The following PCDHGA8 variants were observed in gnomAD, a reference collection of about 807,000 sequenced individuals.
PCDHGA8 encodes protocadherin gamma subfamily A, 8.
Under a neutral mutation model 59.2 loss-of-function variants are expected in PCDHGA8, and 45 were observed. The observed-to-expected ratio is 0.76, with a 90% CI of 0.60 to 0.98. The LOEUF is 0.98. Ranked by LOEUF, PCDHGA8 falls within the 50% of genes least tolerant of loss-of-function variation. The pLI is 0.00. For synonymous variants in PCDHGA8, 531 were observed against 519.0 expected, an observed-to-expected ratio of 1.02 and a Z score of -0.32; for missense variants, 1,257 against 1,196.2, an observed-to-expected ratio of 1.05 and a Z score of -0.75.
intron 1 of PCDHGA8, among the ~76,000 whole-genome samples, chr5:141,467,055 C>CTTT (rs1193465269): frequency 2.2e-5 from 3 of 134,494 alleles, no homozygotes; most frequent in Admixed American, 7.5e-5. Context: ...TCAATGTTTT[C>CTTT]TTTTTTTTTT....
chr5:141,403,353 A>T lies in PCDHGA8; in HGVS notation c.2424+8116A>T, dbSNP rs1335542003. The T allele has an allele frequency of 2.5e-6, 4 of 1,613,932 alleles. No individual in the cohort carries two copies. In the East Asian group the frequency reaches 6.7e-5, roughly 27 times the overall value. ...ATTAACGACAGCGCCCCAAAGTTCC[A>T]GGCCGAAAGTCTGGAAGTAAAAATT... On this transcript the variant is annotated intron_variant, in intron 1 of 3. Coordinates refer to ENST00000398604, the MANE Select transcript of PCDHGA8 (RefSeq NM_032088.2).
In PCDHGA8 at chr5:141,431,514, C is replaced by T. The variant is rs760416874; in HGVS notation, c.2424+36277C>T. ...CAGCCCGAGTACCGCGCGAGCGTTC[C>T]GGAGAATCTGGCCTTGGGCACGCAG... On this transcript the variant is annotated intron_variant, in intron 1 of 3. Transcript: ENST00000398604. This position sits in a 1 kb window ranked among gnomAD's most constrained non-coding sequence, Gnocchi z 4.8. 3.1e-6 allele frequency: 5 copies of T among 1,614,012 alleles called. No homozygotes were observed. The highest frequency in any genetic ancestry group is 1.1e-5 in the South Asian group (1 of 91,082).
intron 1 of PCDHGA8, chr5:141,418,768 T>C (rs1216316680): frequency 6.2e-7 from 1 of 1,613,712 alleles, no homozygotes; most frequent in Non-Finnish European, 8.5e-7. Context: ...ACATTCTAAC[T>C]CAGCAGCCTT....
intron 1 of PCDHGA8, chr5:141,405,106 C>G: frequency 6.2e-7 from 1 of 1,613,964 alleles, no homozygotes; most frequent in Non-Finnish European, 8.5e-7. Flanking sequence ...GGCTGAGGCA[C>G]TGGCACTCCT....
At chr5:141,407,559 G>A (rs1210777840) in intron 1 of PCDHGA8, among the ~76,000 whole-genome samples, 1 of 151,834 alleles carries the variant, frequency 6.6e-6, no homozygotes, top group African/African-American at 2.4e-5. Context: ...TAGAACATAA[G>A]CTGAAAGATA....
intron 1 of PCDHGA8, among the ~76,000 whole-genome samples, chr5:141,454,750 T>C (rs992030704): frequency 1.3e-5 from 2 of 150,108 alleles, no homozygotes; most frequent in Admixed American, 6.7e-5. Flanking sequence ...GAGGCCAAAC[T>C]AATCTTGACA....
In PCDHGA8 at chr5:141,432,399, C is replaced by T. The variant is rs2097496727; in HGVS notation, c.2424+37162C>T. ...CACCCGCCCCTCAGCAGCAACGTGT[C>T]GTTGAGCCTGTTCGTGCTGGACCAG... is the stretch of plus-strand genomic sequence containing the variant. On this transcript the variant is annotated intron_variant, in intron 1 of 3. Coordinates refer to ENST00000398604, the MANE Select transcript of PCDHGA8 (RefSeq NM_032088.2). This position sits in a 1 kb window ranked among gnomAD's most constrained non-coding sequence, Gnocchi z 6.0. 1.2e-6 allele frequency: 2 copies of T among 1,614,240 alleles called. No homozygotes were observed. Among genetic ancestry groups the T allele is most frequent in the Non-Finnish European group, 1.7e-6 (2 of 1,180,040 alleles).
At chr5:141,423,773 T>A in intron 1 of PCDHGA8, 6 of 901,238 alleles carry the variant, frequency 6.7e-6, no homozygotes, top group Non-Finnish European at 7.3e-6. Flanking sequence ...GGGCGGCATA[T>A]ATTTAGTTCA....
chr5:141,481,913 CAAAAAA>C (rs34114744), intron 1 of PCDHGA8, among the ~76,000 whole-genome samples: 1 of 90,850 alleles, frequency 1.1e-5, no homozygotes. Flanking sequence ...AACTCCATCT[CAAAAAA>C]AAAAAAAAAA....
intron 1 of PCDHGA8, among the ~76,000 whole-genome samples, chr5:141,457,926 GGGCTTTTATT>G (rs1398565105): frequency 6.6e-6 from 1 of 151,120 alleles, no homozygotes; most frequent in Non-Finnish European, 1.5e-5. Context: ...TCTCCCCAAG[GGGCTTTTATT>G]GGCTCTGCAT....
rs151239937 is a variant in PCDHGA8, at chr5:141,485,980, G to A, written c.2425-8827G>A. 1.9e-6 allele frequency: 3 copies of A among 1,614,020 alleles called. No homozygotes were observed. The highest frequency in any genetic ancestry group is 2.5e-6 in the Non-Finnish European group (3 of 1,180,004). Reference sequence around the variant, plus strand: ...TCATCCAGCTCAATGCCTCAGACCCGGACCTGGGTCCCAGTGGTAACGTCA... The same window carrying A: ...TCATCCAGCTCAATGCCTCAGACCCAGACCTGGGTCCCAGTGGTAACGTCA... On this transcript the variant is annotated intron_variant, in intron 1 of 3. Coordinates refer to ENST00000398604, the MANE Select transcript of PCDHGA8 (RefSeq NM_032088.2). The surrounding 1 kb of genome is among the most constrained non-coding windows in gnomAD (Gnocchi z 5.7).
intron 1 of PCDHGA8, chr5:141,426,979 A>G (rs762085745): frequency 4.2e-5 from 19 of 456,640 alleles, no homozygotes; most frequent in Non-Finnish European, 7.5e-5. Flanking sequence ...GAGGTCACTG[A>G]TGCCAACGAT....
chr5:141,405,431 T>C (rs1308544171), intron 1 of PCDHGA8: 18 of 1,490,646 alleles, frequency 1.2e-5, no homozygotes, highest in Non-Finnish European at 1.6e-5. Context: ...TGTTTTGTTT[T>C]GTTTTTGAGA....
At chr5:141,452,412 T>G (rs1009940351) in intron 1 of PCDHGA8, among the ~76,000 whole-genome samples, 2 of 152,222 alleles carry the variant, frequency 1.3e-5, no homozygotes, top group Non-Finnish European at 2.9e-5. Context: ...GTGTGAGGTA[T>G]GCTCACTGCT....
intron 1 of PCDHGA8, chr5:141,478,700 C>A: frequency 1.3e-6 from 2 of 1,549,172 alleles, no homozygotes; most frequent in Non-Finnish European, 1.7e-6. Flanking sequence ...AAAGTTAGTG[C>A]CTTTGTGAGA....
chr5:141,423,310 G>C, intron 1 of PCDHGA8: 2 of 1,614,180 alleles, frequency 1.2e-6, no homozygotes, highest in Non-Finnish European at 1.7e-6. Context: ...GCTGTACTTG[G>C]TGGTGGCGGT....
chr5:141,487,001 C>T lies in PCDHGA8; in HGVS notation c.2425-7806C>T. ...TTACAATGCTTGGGTTTCCTATCAG[C>T]TCCTGGAGGCCCCAGATCCCAGCCT... On this transcript the variant is annotated intron_variant, in intron 1 of 3. Transcript: ENST00000398604. This position sits in a 1 kb window ranked among gnomAD's most constrained non-coding sequence, Gnocchi z 5.0. 6.2e-7 allele frequency: 1 copy of T among 1,614,218 alleles called. No individual in the cohort carries two copies. The highest frequency in any genetic ancestry group is 8.5e-7 in the Non-Finnish European group (1 of 1,180,038).
intron 1 of PCDHGA8, chr5:141,417,543 C>T: frequency 6.5e-6 from 2 of 307,994 alleles, no homozygotes; most frequent in Non-Finnish European, 1.2e-5. Flanking sequence ...AAAAAAAATT[C>T]CTTGAAAGAG....
In PCDHGA8 at chr5:141,413,327, A is replaced by T. The variant is rs200027912; in HGVS notation, c.2424+18090A>T. ...TTAGAGAAAGGCTCTTTCGTGGGCA[A>T]CATCTCCAAGGACTTGGGTCTGGCG... On this transcript the variant is annotated intron_variant, in intron 1 of 3. Transcript: ENST00000398604. The T allele has an allele frequency of 2.6e-4, 421 of 1,613,984 alleles. 1 individual carries two copies. The highest frequency in any genetic ancestry group is 1.1e-3 in the South Asian group (96 of 91,090).
Sources: allele counts gnomAD v4.1 joint callset (sites outside exome capture counted in the v4.1 genomes callset), GRCh38; gene constraint gnomAD v4.1.1; non-coding constraint Gnocchi (gnomAD v3.1); transcripts MANE v1.5; gene names NCBI Gene and HGNC (gene_info 2026-07-23, HGNC 2026-07-21).